Variants in ACO1 observed in about 807,000 individuals in gnomAD.
The protein encoded by ACO1 is aconitase 1.
ACO1 carries 78 observed loss-of-function variants against 105.1 expected under a neutral mutation model. The ratio of observed to expected loss-of-function variants is 0.74; its 90% CI spans 0.62 to 0.90. The LOEUF is 0.90. Ranked by LOEUF, ACO1 falls within the 40% of genes least tolerant of loss-of-function variation. The pLI is 0.00. For synonymous variants in ACO1, 364 were observed against 397.4 expected (o/e 0.92, Z 1.00); for missense variants, 965 against 1,111.1 (o/e 0.87, Z 1.87).
At chr9:32,435,097 A>T (rs1006065982) in intron 17 of ACO1, among the ~76,000 whole-genome samples, 9 of 152,098 alleles carry the variant, frequency 5.9e-5, no homozygotes, top group African/African-American at 2.2e-4. Flanking sequence ...TGCTTGGAGG[A>T]TTTGCAGCTT....
chr9:32,411,458 G>A (rs906432051), intron 4 of ACO1, among the ~76,000 whole-genome samples: 2 of 152,226 alleles, frequency 1.3e-5, no homozygotes, highest in South Asian at 2.1e-4. Context: ...TATAGATTTA[G>A]TTACTGCAAA....
chr9:32,385,625 T>C (rs929580004), intron 1 of ACO1, among the ~76,000 whole-genome samples: 1 of 152,202 alleles, frequency 6.6e-6, no homozygotes, highest in East Asian at 1.9e-4. Context: ...TTGTTTTACA[T>C]TTTTGCAAAT....
rs534181802 is a variant in ACO1, at chr9:32,427,292, A to G, written c.1349-9A>G. On this transcript the variant is annotated splice_polypyrimidine_tract_variant and intron_variant, in intron 11 of 20. Coordinates refer to ENST00000309951, the MANE Select transcript of ACO1 (RefSeq NM_002197.3). ...CTCCCACACTGCATCTGTGTTTACC[A>G]TTTCACAGGATTGTTAGCAAAGAAA... 1 of 1,614,070 alleles carries G rather than the reference A, an allele frequency of 6.2e-7. No individual in the cohort carries two copies. Among genetic ancestry groups the G allele is most frequent in the South Asian group, 1.1e-5 (1 of 91,080 alleles).
chr9:32,406,196 G>A (rs1821605672), intron 2 of ACO1, among the ~76,000 whole-genome samples: 1 of 152,198 alleles, frequency 6.6e-6, no homozygotes, highest in Non-Finnish European at 1.5e-5. Context: ...TCCTTTGAAA[G>A]ATGTACGTGC....
rs556592191 is a variant in ACO1, at chr9:32,421,000, G to C, written c.943G>C (p.Val315Leu). 6.2e-7 allele frequency: 1 copy of C among 1,614,136 alleles called. No individual in the cohort carries two copies. Among genetic ancestry groups the C allele is most frequent in the South Asian group, 1.1e-5 (1 of 91,074 alleles). Residue 315 changes from valine (V) to leucine (L), a missense_variant, in exon 8 of 21, where the codon GTT (valine) becomes CTT (leucine). Physicochemically the swap from Val to Leu is conservative, Grantham distance 32. Transcript: ENST00000309951. The part of the protein sequence containing the change: ...ATAAFFPVDE[V>L]SITYLVQTGR... ...TGCTGCCTTTTTCCCAGTTGATGAA[G>C]TTAGTATCACGTACCTGGTGCAAAC...
chr9:32,441,203 C>T (rs541456670), intron 19 of ACO1, among the ~76,000 whole-genome samples: 11 of 152,158 alleles, frequency 7.2e-5, no homozygotes, highest in Non-Finnish European at 1.6e-4. Context: ...TCTTTAGAAC[C>T]TTCCGCCATC....
At chr9:32,430,262 C>T (rs376673806) in intron 13 of ACO1, among the ~76,000 whole-genome samples, 156 bp from the exon 14 acceptor site, 8 of 152,180 alleles carry the variant, frequency 5.3e-5, no homozygotes, top group African/African-American at 1.9e-4. Flanking sequence ...TGGGGACACC[C>T]CAGTGTACCC....
At chr9:32,386,190 G>A (rs1821152929) in intron 1 of ACO1, among the ~76,000 whole-genome samples, 1 of 152,244 alleles carries the variant, frequency 6.6e-6, no homozygotes, top group African/African-American at 2.4e-5. Flanking sequence ...CATGCCAAGT[G>A]TGTAGGGGTT....
intron 1 of ACO1, among the ~76,000 whole-genome samples, chr9:32,386,014 C>T (rs1393101132): frequency 2.0e-5 from 3 of 152,242 alleles, no homozygotes; most frequent in Admixed American, 6.5e-5. Context: ...TAGGTCCCCA[C>T]GTGAGGCTGT....
intron 4 of ACO1, among the ~76,000 whole-genome samples, chr9:32,417,604 C>A (rs1202283174): frequency 5.3e-5 from 8 of 152,194 alleles, no homozygotes; most frequent in Admixed American, 5.2e-4. Flanking sequence ...TCAAGTGACA[C>A]CATCTTCCTC....
At chr9:32,384,914 T>G (rs771045426) in intron 1 of ACO1, among the ~76,000 whole-genome samples, 179 bp downstream of exon 1, 24 of 152,174 alleles carry the variant, frequency 1.6e-4, no homozygotes, top group Non-Finnish European at 2.8e-4. Flanking sequence ...GCGACTGACG[T>G]CTCCACCCTG....
intron 1 of ACO1, among the ~76,000 whole-genome samples, chr9:32,400,766 A>C (rs7847310): frequency 6.6e-6 from 1 of 152,174 alleles, no homozygotes; most frequent in Non-Finnish European, 1.5e-5. Flanking sequence ...AAATGAATGC[A>C]TGCTTATCAA....
intron 12 of ACO1, among the ~76,000 whole-genome samples, chr9:32,428,973 T>TACATTTGGGTATATGTGGTCTATC (rs1307104421): frequency 6.6e-6 from 1 of 152,226 alleles, no homozygotes; most frequent in Non-Finnish European, 1.5e-5. Flanking sequence ...ATACCACATA[T>TACATTTGGGTATATGTGGTCTATC]ACATTTGGGT....
intron 1 of ACO1, among the ~76,000 whole-genome samples, chr9:32,398,149 C>G (rs1456998195): frequency 6.6e-6 from 1 of 152,166 alleles, no homozygotes; most frequent in Non-Finnish European, 1.5e-5. Flanking sequence ...TACTATGCCT[C>G]TGTCTGTATC....
Position 32,426,012 on chromosome 9 carries a change from C to A in ACO1, c.1348+15C>A. The A allele has an allele frequency of 6.2e-7, 1 of 1,612,290 alleles. No individual in the cohort carries two copies. The highest frequency in any genetic ancestry group is 8.5e-7 in the Non-Finnish European group (1 of 1,178,882). ...GTTAGGGGCAGGTAAGTGCATTTGA[C>A]TCCATCCTCATGGTCATACATGTGT... On this transcript the variant is annotated intron_variant, in intron 11 of 20. Coordinates refer to ENST00000309951, the MANE Select transcript of ACO1 (RefSeq NM_002197.3).
chr9:32,398,547 TTTTTC>T (rs1283260999), intron 1 of ACO1, among the ~76,000 whole-genome samples: 1 of 150,954 alleles, frequency 6.6e-6, no homozygotes, highest in Non-Finnish European at 1.5e-5. Context: ...TTTCTTTTTT[TTTTTC>T]TTTTTTCTTT....
chr9:32,406,166 A>T (rs186556268), intron 2 of ACO1, among the ~76,000 whole-genome samples: 1 of 152,340 alleles, frequency 6.6e-6, no homozygotes, highest in East Asian at 1.9e-4. Flanking sequence ...GCCATGCTGC[A>T]TAGTGTTTAG....
chr9:32,418,978 A>T, intron 6 of ACO1, 60 bp from the exon 7 acceptor site: 1 of 1,470,554 alleles, frequency 6.8e-7, no homozygotes, highest in Non-Finnish European at 9.1e-7. Context: ...CTAAATTTAT[A>T]CCTGAGAGAT....
At chr9:32,440,383 C>T in intron 18 of ACO1, 82 bp from the exon 19 acceptor site, 1 of 1,567,366 alleles carries the variant, frequency 6.4e-7, no homozygotes, top group Non-Finnish European at 8.7e-7. Context: ...CCCATCCAGC[C>T]CCGCCCTCAC....
Sources: gnomAD v4.1 joint callset for allele counts (sites outside exome capture counted in the v4.1 genomes callset) on GRCh38, gnomAD v4.1.1 for gene constraint, MANE v1.5 for transcripts, NCBI Gene and HGNC (gene_info 2026-07-23, HGNC 2026-07-21) for gene names.